SUFU: variants seen among roughly 807,000 people sequenced by gnomAD.
The protein encoded by SUFU is suppressor of fused homolog.
SUFU carries 7 observed loss-of-function variants against 58.9 expected under a neutral mutation model. That is an observed-to-expected ratio of 0.12 (90% CI 0.07 to 0.22). The LOEUF is 0.22. Ranked by LOEUF, SUFU falls within the 10% of genes least tolerant of loss-of-function variation. SUFU has a pLI of 1.00. For missense variants in SUFU, 451 were observed against 641.3 expected (o/e 0.70, Z 3.20); for synonymous variants, 232 against 254.8 (o/e 0.91, Z 0.85).
intron 1 of SUFU, among the ~76,000 whole-genome samples, chr10:102,507,538 C>T (rs1321158719): frequency 1.3e-5 from 2 of 152,218 alleles, no homozygotes; most frequent in South Asian, 4.1e-4. Flanking sequence ...AGAGTTGTCC[C>T]TCTTCCTCTG....
intron 2 of SUFU, among the ~76,000 whole-genome samples, chr10:102,536,380 T>G (rs2135710500): frequency 6.6e-6 from 1 of 151,060 alleles, no homozygotes; most frequent in Non-Finnish European, 1.5e-5. Context: ...TTTTTTTTTT[T>G]TTGAGACAGA....
At chr10:102,618,765 TC>T (rs1266309179) in intron 10 of SUFU, 2 of 485,224 alleles carry the variant, frequency 4.1e-6, no homozygotes, top group Non-Finnish European at 7.3e-6. Flanking sequence ...GGAAAGGGCC[TC>T]CCTCCATTCC....
intron 10 of SUFU, among the ~76,000 whole-genome samples, chr10:102,622,104 T>G (rs973465390): frequency 3.9e-5 from 6 of 152,160 alleles, no homozygotes; most frequent in African/African-American, 1.4e-4. Context: ...CTGGCCTAGA[T>G]TCCAAGCCCC....
chr10:102,601,328 A>T (rs1292354725), intron 8 of SUFU, among the ~76,000 whole-genome samples: 1 of 152,176 alleles, frequency 6.6e-6, no homozygotes, highest in Non-Finnish European at 1.5e-5. Flanking sequence ...CGAGACTCTC[A>T]GCCTACACCC....
At position 102,524,885 on chromosome 10, in the gene SUFU, G is replaced by A. The variant is rs190839825; in HGVS notation, c.317+15582G>A. 3.1e-3 allele frequency among the ~76,000 whole-genome samples: 477 copies of A among 152,218 alleles called. 2 individuals carry two copies. The highest frequency in any genetic ancestry group is 5.1e-3 in the Non-Finnish European group (344 of 68,008). On this transcript the variant is annotated intron_variant, in intron 2 of 11. Transcript: ENST00000369902. ...GAAGCTCTTGCTTTGGGGTTTTTCC[G>A]ACTGTTGGAAAAATATTCTCACCAC...
chr10:102,520,212 CTT>C (rs36020604), intron 2 of SUFU, among the ~76,000 whole-genome samples: 49 of 113,534 alleles, frequency 4.3e-4, no homozygotes, highest in East Asian at 1.5e-3. Flanking sequence ...TTTTTTCTTT[CTT>C]TTTTTTTTTT....
At chr10:102,550,304 C>G (rs1387826156) in intron 3 of SUFU, among the ~76,000 whole-genome samples, 198 bp downstream of exon 3, 1 of 152,178 alleles carries the variant, frequency 6.6e-6, no homozygotes, top group African/African-American at 2.4e-5. Context: ...GAGAGGGGTA[C>G]TCCCCTGTGC....
At chr10:102,532,900 G>T (rs1040533913) in intron 2 of SUFU, among the ~76,000 whole-genome samples, 1 of 152,222 alleles carries the variant, frequency 6.6e-6, no homozygotes, top group Non-Finnish European at 1.5e-5. Context: ...CAGGAGAAAG[G>T]TGTATCGTTT....
In SUFU at chr10:102,619,465, C is replaced by A; in HGVS notation, c.1296+2037C>A. On this transcript the variant is annotated intron_variant, in intron 10 of 11. Coordinates refer to ENST00000369902, the MANE Select transcript of SUFU (RefSeq NM_016169.4). This position sits in a 1 kb window ranked among gnomAD's most constrained non-coding sequence, Gnocchi z 4.2. Reference sequence around the variant, plus strand: ...GTTGCTGTGCTGGGAGCTACTCAATCAAAGGCCTGTGTTATGGGCTCATTA... The same window carrying A: ...GTTGCTGTGCTGGGAGCTACTCAATAAAAGGCCTGTGTTATGGGCTCATTA... The A allele has an allele frequency of 7.9e-7, 1 of 1,270,750 alleles. No individual in the cohort carries two copies. The highest frequency in any genetic ancestry group is 1.0e-6 in the Non-Finnish European group (1 of 998,828). The allele number at this position is 1,270,750 out of a possible 1,614,324, so 78.7% of individuals were successfully genotyped here.
rs746555296 is a variant in SUFU, at chr10:102,504,158, G to T, written c.6G>T (p.Ala2=). The T allele has an allele frequency of 9.5e-5, 146 of 1,543,876 alleles. 1 individual carries two copies. The highest frequency in any genetic ancestry group is 7.3e-4 in the Admixed American group (37 of 50,912). M[A]ELRPSGAPGP... is the part of the protein sequence containing the mutation. The stretch of plus-strand genomic sequence containing the variant: ...TGCCTGCCCTACGCACCCCGATGGC[G>T]GAGCTGCGGCCTAGCGGCGCCCCCG... Residue 2 remains alanine (A), a synonymous_variant, in exon 1 of 12, where the codon GCG becomes GCT. Coordinates refer to ENST00000369902, the MANE Select transcript of SUFU (RefSeq NM_016169.4).
chr10:102,608,232 A>C (rs1027953589), intron 8 of SUFU, among the ~76,000 whole-genome samples: 1 of 46,020 alleles, frequency 2.2e-5, no homozygotes, highest in Non-Finnish European at 4.4e-5. Flanking sequence ...TAAAAAAACA[A>C]AAAAAAAATT....
In SUFU at chr10:102,631,049, C is replaced by T. The variant is rs2063833277; in HGVS notation, c.*894C>T. The T allele has an allele frequency of 4.3e-6, 1 of 233,356 alleles. No homozygotes were observed. Among genetic ancestry groups the T allele is most frequent in the Admixed American group, 5.6e-5 (1 of 17,772 alleles). 14.5% of individuals were successfully genotyped at this position (233,356 alleles called of 1,614,324 possible). A position where few individuals can be genotyped will look rare whatever the true frequency, so the allele number is the denominator to read the frequency against. ...CCTCATCTTCTAGGCCTTTTCCACC[C>T]AACCAGGCCTACCTGGGAGAGGGTG... On this transcript the variant is annotated 3_prime_UTR_variant, in exon 12 of 12. Coordinates refer to ENST00000369902, the MANE Select transcript of SUFU (RefSeq NM_016169.4).
chr10:102,557,642 CAAT>C (rs1384082822), intron 3 of SUFU, among the ~76,000 whole-genome samples: 5 of 152,106 alleles, frequency 3.3e-5, no homozygotes, highest in Non-Finnish European at 4.4e-5. Flanking sequence ...CAAAGAAAAA[CAAT>C]AACAGACTTC....
intron 10 of SUFU, 81 bp from the exon 11 acceptor site, chr10:102,627,094 A>C: frequency 1.4e-6 from 2 of 1,446,340 alleles, no homozygotes; most frequent in Non-Finnish European, 1.9e-6. Flanking sequence ...CATGGTCAGA[A>C]GAGAGGTATA....
chr10:102,623,141 T>C (rs1040919487), intron 10 of SUFU, among the ~76,000 whole-genome samples: 14 of 152,164 alleles, frequency 9.2e-5, no homozygotes, highest in African/African-American at 3.4e-4. Flanking sequence ...GGTCTTCCTC[T>C]CTTACTAGAG....
chr10:102,619,548 C>A lies in SUFU; in HGVS notation c.1296+2120C>A, dbSNP rs1300988103. The stretch of plus-strand genomic sequence containing the variant: ...AGCTCCTGGGAAGGCTGGCGGAGGC[C>A]CCACACCCCAAGCACCCACCCTTGA... On this transcript the variant is annotated intron_variant, in intron 10 of 11. Coordinates refer to ENST00000369902, the MANE Select transcript of SUFU (RefSeq NM_016169.4). This position sits in a 1 kb window ranked among gnomAD's most constrained non-coding sequence, Gnocchi z 4.2. 4.7e-6 allele frequency: 5 copies of A among 1,067,022 alleles called. No homozygotes were observed. Among genetic ancestry groups the A allele is most frequent in the Non-Finnish European group, 5.7e-6 (5 of 873,476 alleles). 66.1% of individuals were successfully genotyped at this position (1,067,022 alleles called of 1,614,324 possible).
intron 8 of SUFU, among the ~76,000 whole-genome samples, chr10:102,602,000 CT>C (rs1189833401): frequency 1.3e-5 from 2 of 152,232 alleles, no homozygotes; most frequent in African/African-American, 4.8e-5. Flanking sequence ...CTCAGAGCAG[CT>C]GATCAAGCCT....
chr10:102,520,154 T>A (rs1350532222), intron 2 of SUFU, among the ~76,000 whole-genome samples: 1 of 152,022 alleles, frequency 6.6e-6, no homozygotes, highest in East Asian at 1.9e-4. Context: ...TATTACTACC[T>A]TAAGTCCATA....
intron 3 of SUFU, among the ~76,000 whole-genome samples, chr10:102,557,003 G>A (rs1037064222): frequency 1.3e-5 from 2 of 151,650 alleles, no homozygotes; most frequent in African/African-American, 2.4e-5. Flanking sequence ...GCAGGAGAAT[G>A]GAGAATCACT....
Sources: gnomAD v4.1 joint callset for allele counts (sites outside exome capture counted in the v4.1 genomes callset) on GRCh38, gnomAD v4.1.1 for gene constraint, Gnocchi (gnomAD v3.1) non-coding constraint, MANE v1.5 for transcripts, NCBI Gene and HGNC (gene_info 2026-07-23, HGNC 2026-07-21) for gene names.